RTN4IP1: variants seen among roughly 807,000 people sequenced by gnomAD.
RTN4IP1 encodes NAD(P)H oxidoreductase RTN4IP1, mitochondrial.
RTN4IP1 carries 32 observed loss-of-function variants against 46.6 expected under a neutral mutation model. The observed-to-expected ratio is 0.69, with a 90% CI of 0.52 to 0.92. RTN4IP1 has a LOEUF of 0.92. RTN4IP1 is among the 40% of genes least tolerant of loss of function. RTN4IP1 has a pLI of 0.00. For synonymous variants in RTN4IP1, 167 were observed against 161.8 expected, an observed-to-expected ratio of 1.03 and a Z score of -0.24; for missense variants, 424 against 485.8, an observed-to-expected ratio of 0.87 and a Z score of 1.20.
chr6:106,627,933 C>T (rs531452560), intron 1 of RTN4IP1, among the ~76,000 whole-genome samples: 1 of 144,030 alleles, frequency 6.9e-6, no homozygotes, highest in Non-Finnish European at 1.5e-5. Flanking sequence ...CTGGGTGTGG[C>T]GGCGCATGTC....
At chr6:106,619,002 T>C (rs1776415900) in intron 4 of RTN4IP1, among the ~76,000 whole-genome samples, 200 bp downstream of exon 4, 1 of 152,228 alleles carries the variant, frequency 6.6e-6, no homozygotes, top group Non-Finnish European at 1.5e-5. Flanking sequence ...TCCCAAGTGA[T>C]TGGGCTGAGA....
chr6:106,629,699 C>G, upstream of RTN4IP1: 2 of 1,606,454 alleles, frequency 1.2e-6, no homozygotes, highest in South Asian at 1.1e-5. Flanking sequence ...GCCGGAGCCT[C>G]CGAGAAGTGA....
At chr6:106,627,776 T>TG (rs1482909584) in intron 1 of RTN4IP1, among the ~76,000 whole-genome samples, 1 of 121,620 alleles carries the variant, frequency 8.2e-6, no homozygotes, top group African/African-American at 3.2e-5. Context: ...TTTTTTGAGA[T>TG]GGAGTCTCAC....
At chr6:106,594,421 A>G (rs1775733572) in intron 5 of RTN4IP1, among the ~76,000 whole-genome samples, 1 of 152,142 alleles carries the variant, frequency 6.6e-6, no homozygotes, top group Non-Finnish European at 1.5e-5. Context: ...AAGTGGGAGG[A>G]TCGCTTGAGC....
At chr6:106,626,897 T>C (rs949452999) in intron 1 of RTN4IP1, among the ~76,000 whole-genome samples, 3 of 152,204 alleles carry the variant, frequency 2.0e-5, no homozygotes, top group Non-Finnish European at 4.4e-5. Flanking sequence ...TTTTTCCCCA[T>C]GTAAAAATTC....
intron 8 of RTN4IP1, among the ~76,000 whole-genome samples, chr6:106,582,641 C>A (rs974024524): frequency 6.6e-6 from 1 of 152,182 alleles, no homozygotes; most frequent in Non-Finnish European, 1.5e-5. Context: ...CAGAATACCA[C>A]CTTCTGGGTT....
chr6:106,619,606 A>ATTTT (rs869120910), intron 3 of RTN4IP1, among the ~76,000 whole-genome samples: 15 of 110,468 alleles, frequency 1.4e-4, no homozygotes, highest in South Asian at 2.8e-4. Flanking sequence ...ACTTTTCTTC[A>ATTTT]TTTTTTTTTT....
At chr6:106,616,472 T>C (rs560785505) in intron 4 of RTN4IP1, among the ~76,000 whole-genome samples, 1 of 150,846 alleles carries the variant, frequency 6.6e-6, no homozygotes, top group East Asian at 1.9e-4. Flanking sequence ...GTTAATTTTG[T>C]TTTTTTTTAA....
chr6:106,600,029 T>G (rs759326765), intron 5 of RTN4IP1, among the ~76,000 whole-genome samples: 1 of 152,110 alleles, frequency 6.6e-6, no homozygotes, highest in Admixed American at 6.5e-5. Context: ...AGCCTCTGGA[T>G]TGGATTCTGA....
intron 1 of RTN4IP1, among the ~76,000 whole-genome samples, chr6:106,623,985 A>G (rs757910018): frequency 3.3e-5 from 5 of 152,246 alleles, no homozygotes; most frequent in Non-Finnish European, 5.9e-5. Flanking sequence ...ATTGGAATAA[A>G]TTCCTGAGTG....
rs185850667 is a variant in RTN4IP1, at chr6:106,586,774, C to A, written c.990+905G>T. 2.0e-5 allele frequency among the ~76,000 whole-genome samples: 3 copies of A among 152,214 alleles called. No individual in the cohort carries two copies. In the East Asian group the frequency reaches 5.8e-4, roughly 29 times the overall value. On this transcript the variant is annotated intron_variant, in intron 7 of 8. Coordinates refer to ENST00000369063, the MANE Select transcript of RTN4IP1 (RefSeq NM_032730.5). ...AGTTTATCCCATGAAATTATAAAAGCCTCTCTCCCCACTGTGATGACAACA... is the reference window on the plus strand; with the variant it reads ...AGTTTATCCCATGAAATTATAAAAGACTCTCTCCCCACTGTGATGACAACA...
chr6:106,598,876 A>C lies in RTN4IP1; in HGVS notation c.669+3998T>G, dbSNP rs538088727. On this transcript the variant is annotated intron_variant, in intron 5 of 8. Transcript: ENST00000369063. ...TCCATCTTGAATTGATTTTTGTATAAGGTGTAAGGAAGGGATCCATGCATT... is the reference window on the plus strand; with the variant it reads ...TCCATCTTGAATTGATTTTTGTATACGGTGTAAGGAAGGGATCCATGCATT... Among the ~76,000 whole-genome samples the C allele has an allele frequency of 2.5e-3, 375 of 152,040 alleles. 3 individuals are homozygous for C. The highest frequency in any genetic ancestry group is 8.8e-3 in the African/African-American group (363 of 41,454).
intron 4 of RTN4IP1, among the ~76,000 whole-genome samples, chr6:106,609,500 G>A (rs1776170398): frequency 6.6e-6 from 1 of 152,156 alleles, no homozygotes; most frequent in Admixed American, 6.5e-5. Context: ...CTGTACTCTA[G>A]CCTGGGTGAC....
At chr6:106,613,513 C>T (rs961352900) in intron 4 of RTN4IP1, among the ~76,000 whole-genome samples, 8 of 152,162 alleles carry the variant, frequency 5.3e-5, no homozygotes, top group Non-Finnish European at 1.0e-4. Context: ...AGGTTAACAA[C>T]AAACTAATCA....
rs148781069 is a variant in RTN4IP1, at chr6:106,599,710, T to C, written c.669+3164A>G. 5.1e-4 allele frequency among the ~76,000 whole-genome samples: 77 copies of C among 152,172 alleles called. 1 individual carries two copies. The highest frequency in any genetic ancestry group is 5.0e-3 in the East Asian group (26 of 5,180). On this transcript the variant is annotated intron_variant, in intron 5 of 8. Coordinates refer to ENST00000369063, the MANE Select transcript of RTN4IP1 (RefSeq NM_032730.5). ...ATTTTACTGTTGATGGACATTTGGG[T>C]TTTTCTAGTTGGGGAATTTTAACAG...
chr6:106,602,094 C>T (rs910683573), intron 5 of RTN4IP1, among the ~76,000 whole-genome samples: 2 of 152,140 alleles, frequency 1.3e-5, no homozygotes, highest in Admixed American at 6.6e-5. Context: ...TTTCTGGATG[C>T]TCAATTCTAT....
chr6:106,582,536 G>A (rs1186504727), intron 8 of RTN4IP1, among the ~76,000 whole-genome samples: 3 of 152,174 alleles, frequency 2.0e-5, no homozygotes, highest in Non-Finnish European at 2.9e-5. Context: ...CCTGTAAAAT[G>A]AGAATCACCC....
intron 2 of RTN4IP1, among the ~76,000 whole-genome samples, chr6:106,622,305 T>C (rs1467228779): frequency 6.6e-6 from 1 of 152,064 alleles, no homozygotes; most frequent in African/African-American, 2.4e-5. Context: ...TCAGTCAGGG[T>C]GGTGGGAAAA....
chr6:106,576,181 C>T (rs1775221300), intron 8 of RTN4IP1, among the ~76,000 whole-genome samples: 1 of 152,164 alleles, frequency 6.6e-6, no homozygotes, highest in Non-Finnish European at 1.5e-5. Context: ...ATTTTGCTCT[C>T]AGTTGCTGTT....
Sources: allele counts gnomAD v4.1 joint callset (sites outside exome capture counted in the v4.1 genomes callset), GRCh38; gene constraint gnomAD v4.1.1; transcripts MANE v1.5; gene names NCBI Gene and HGNC (gene_info 2026-07-23, HGNC 2026-07-21).